Variants in WWOX observed in about 807,000 individuals in gnomAD.
The protein encoded by WWOX is WW domain containing oxidoreductase.
Under a neutral mutation model 46.2 loss-of-function variants are expected in WWOX, and 69 were observed. The observed-to-expected ratio is 1.49, with a 90% CI of 1.23 to 1.82. The LOEUF is 1.82. Ranked by LOEUF, WWOX falls within the 40% of genes most tolerant of loss-of-function variation. The pLI, the probability that WWOX is intolerant of heterozygous loss-of-function variation, is 0.00. For synonymous variants in WWOX, 359 were observed against 202.6 expected (o/e 1.77, Z -6.56); for missense variants, 919 against 542.6 (o/e 1.69, Z -6.89).
intron 5 of WWOX, among the ~76,000 whole-genome samples, chr16:78,225,013 G>C (rs937467791): frequency 6.6e-6 from 1 of 152,300 alleles, no homozygotes; most frequent in African/African-American, 2.4e-5. Context: ...ACATTAACCT[G>C]TGGTTATGTA....
intron 8 of WWOX, among the ~76,000 whole-genome samples, chr16:78,637,204 C>G (rs551029699): frequency 3.3e-5 from 5 of 152,156 alleles, no homozygotes; most frequent in East Asian, 1.9e-4. Flanking sequence ...GGCAGATCAC[C>G]TGAGGTCAGG....
chr16:79,140,278 C>T (rs983635691), intron 8 of WWOX, among the ~76,000 whole-genome samples: 2 of 152,208 alleles, frequency 1.3e-5, no homozygotes, highest in African/African-American at 2.4e-5. Flanking sequence ...CTATTGGATG[C>T]GGTGGTGTGG....
chr16:78,704,693 G>T (rs2048294818), intron 8 of WWOX, among the ~76,000 whole-genome samples: 1 of 152,152 alleles, frequency 6.6e-6, no homozygotes, highest in African/African-American at 2.4e-5. Flanking sequence ...TTAAAACTGT[G>T]TAATAGTAAG....
intron 8 of WWOX, among the ~76,000 whole-genome samples, chr16:78,489,754 G>A (rs1438314736): frequency 6.6e-6 from 1 of 152,102 alleles, no homozygotes; most frequent in Non-Finnish European, 1.5e-5. Context: ...TGGCTCAAGG[G>A]GAGTTTGGAA....
intron 8 of WWOX, among the ~76,000 whole-genome samples, chr16:78,869,562 A>T (rs914489807): frequency 2.0e-5 from 3 of 152,216 alleles, no homozygotes; most frequent in African/African-American, 7.2e-5. Context: ...GAAACAGCCG[A>T]TTGAAGTGCT....
Position 78,404,338 on chromosome 16 carries a change from G to A in WWOX, c.605+17390G>A, listed in dbSNP as rs115523393. On this transcript the variant is annotated intron_variant, in intron 6 of 8. Coordinates refer to ENST00000566780, the MANE Select transcript of WWOX (RefSeq NM_016373.4). Reference sequence around the variant, plus strand: ...CTGTTGTATGCCAAGCATAACCCTAGGTGTGAGAGCACAAGGTGACTTCAG... The same window carrying A: ...CTGTTGTATGCCAAGCATAACCCTAAGTGTGAGAGCACAAGGTGACTTCAG... Among the ~76,000 whole-genome samples the A allele has an allele frequency of 7.7e-3, 1,175 of 152,184 alleles. 15 individuals are homozygous for A. Among genetic ancestry groups the A allele is most frequent in the African/African-American group, 0.027 (1,134 of 41,516 alleles).
At chr16:78,895,485 T>A (rs2044681601) in intron 8 of WWOX, 2 of 152,246 alleles carry the variant, frequency 1.3e-5, no homozygotes, top group Admixed American at 1.3e-4. Flanking sequence ...TCCCGTAGCT[T>A]CTTGTGTTTT....
chr16:78,449,653 C>T (rs534431518), intron 8 of WWOX, among the ~76,000 whole-genome samples: 4 of 152,288 alleles, frequency 2.6e-5, no homozygotes, highest in African/African-American at 9.6e-5. Context: ...GCACCAAATG[C>T]ACCCATTTAA....
rs565290197 is a variant in WWOX at position 78,261,276 on chromosome 16, T to C, written c.516+96987T>C. Among the ~76,000 whole-genome samples the C allele has an allele frequency of 1.0e-3, 153 of 148,746 alleles. 2 individuals carry two copies. Among genetic ancestry groups the C allele is most frequent in the Middle Eastern group, 3.4e-3 (1 of 294 alleles). ...ATGTGTGGTAAGGTAGATAGATAGA[T>C]AGATAGATACATACATACATACATA... On this transcript the variant is annotated intron_variant, in intron 5 of 8. Coordinates refer to ENST00000566780, the MANE Select transcript of WWOX (RefSeq NM_016373.4).
chr16:78,298,028 G>A (rs775717000), intron 5 of WWOX, among the ~76,000 whole-genome samples: 7 of 152,076 alleles, frequency 4.6e-5, no homozygotes, highest in Non-Finnish European at 8.8e-5. Flanking sequence ...GGTTTTGTGC[G>A]GGGCTTTTCC....
intron 5 of WWOX, among the ~76,000 whole-genome samples, chr16:78,204,901 A>C (rs755168037): frequency 1.3e-5 from 2 of 152,224 alleles, no homozygotes; most frequent in Non-Finnish European, 2.9e-5. Flanking sequence ...ATATTTTCTA[A>C]GATCAGAGAA....
intron 8 of WWOX, among the ~76,000 whole-genome samples, chr16:79,167,585 G>C (rs1448272807): frequency 1.3e-5 from 2 of 152,130 alleles, no homozygotes; most frequent in East Asian, 1.9e-4. Flanking sequence ...ATTCCCATCA[G>C]CTTAAGGCAG....
chr16:78,251,566 T>C (rs537818801), intron 5 of WWOX, among the ~76,000 whole-genome samples: 2 of 152,312 alleles, frequency 1.3e-5, no homozygotes, highest in Non-Finnish European at 2.9e-5. Context: ...CAAATCAGCT[T>C]CTATTGCTGC....
chr16:78,970,377 T>C (rs562348370), intron 8 of WWOX, among the ~76,000 whole-genome samples: 4 of 152,218 alleles, frequency 2.6e-5, no homozygotes, highest in Non-Finnish European at 5.9e-5. Context: ...TCAATTAGCA[T>C]AACCTCATGC....
chr16:79,210,746 CCT>C (rs1473021564), intron 8 of WWOX, among the ~76,000 whole-genome samples: 89 of 152,156 alleles, frequency 5.8e-4, no homozygotes, highest in African/African-American at 2.1e-3. Context: ...GATTTCTTGC[CCT>C]CTTTATAGCA....
chr16:78,943,371 T>C (rs1358955616), intron 8 of WWOX, among the ~76,000 whole-genome samples: 2 of 152,180 alleles, frequency 1.3e-5, no homozygotes, highest in South Asian at 2.1e-4. Flanking sequence ...ATTCACTAAC[T>C]GTTCATCTCC....
chr16:78,615,748 G>C (rs2046007103), intron 8 of WWOX, among the ~76,000 whole-genome samples: 1 of 151,756 alleles, frequency 6.6e-6, no homozygotes, highest in African/African-American at 2.4e-5. Context: ...GAAATCAATA[G>C]GATAATTTTT....
chr16:78,322,971 C>G (rs887333767), intron 5 of WWOX, among the ~76,000 whole-genome samples: 1 of 152,172 alleles, frequency 6.6e-6, no homozygotes, highest in African/African-American at 2.4e-5. Flanking sequence ...CCTACAAACA[C>G]TGGCATTGGG....
At chr16:78,677,206 C>T (rs929435679) in intron 8 of WWOX, among the ~76,000 whole-genome samples, 3 of 152,126 alleles carry the variant, frequency 2.0e-5, no homozygotes, top group Non-Finnish European at 2.9e-5. Flanking sequence ...CAATCAGGCT[C>T]TTCTCAAACC....
Sources: gnomAD v4.1 joint callset for allele counts (sites outside exome capture counted in the v4.1 genomes callset) on GRCh38, gnomAD v4.1.1 for gene constraint, MANE v1.5 for transcripts, NCBI Gene and HGNC (gene_info 2026-07-23, HGNC 2026-07-21) for gene names.